The following TTC39B variants were observed in gnomAD, a reference collection of about 807,000 sequenced individuals.
The protein encoded by TTC39B is tetratricopeptide repeat protein 39B.
In TTC39B, 92 loss-of-function variants were observed where a neutral mutation model predicts 96.6. The observed-to-expected ratio is 0.95, with a 90% CI of 0.80 to 1.13. TTC39B has a LOEUF of 1.13. Ranked by LOEUF, TTC39B falls within the 50% of genes most tolerant of loss-of-function variation. TTC39B has a pLI of 0.00. For missense variants in TTC39B, 955 were observed against 809.3 expected (o/e 1.18, Z -2.18); for synonymous variants, 367 against 299.4 (o/e 1.23, Z -2.33).
chr9:15,182,052 G>A (rs1467341079), intron 17 of TTC39B, among the ~76,000 whole-genome samples: 1 of 152,156 alleles, frequency 6.6e-6, no homozygotes, highest in African/African-American at 2.4e-5. Flanking sequence ...TCGTGTAAAG[G>A]GAATCATATA....
At chr9:15,285,615 G>A (rs995208265) in intron 1 of TTC39B, among the ~76,000 whole-genome samples, 3 of 152,166 alleles carry the variant, frequency 2.0e-5, no homozygotes, top group Non-Finnish European at 2.9e-5. Flanking sequence ...TGCACTTCGG[G>A]AGGCCGAGGC....
At chr9:15,254,302 C>G (rs368664170) in intron 2 of TTC39B, among the ~76,000 whole-genome samples, 7 of 151,568 alleles carry the variant, frequency 4.6e-5, no homozygotes, top group African/African-American at 1.7e-4. Context: ...TTAATGTGTT[C>G]TTTTTTTAAA....
At chr9:15,195,083 T>G (rs1475727288) in intron 8 of TTC39B, among the ~76,000 whole-genome samples, 2 of 152,196 alleles carry the variant, frequency 1.3e-5, no homozygotes, top group Non-Finnish European at 2.9e-5. Context: ...GCCAAACAGT[T>G]AGTCAACTTG....
chr9:15,167,997 G>T (rs1313930710), exon 20 of TTC39B: 1 of 152,096 alleles, frequency 6.6e-6, no homozygotes, highest in Non-Finnish European at 1.5e-5. Context: ...AAGTTTAAGG[G>T]CACTTTAAAT....
At chr9:15,258,694 C>T (rs1425045462) in intron 2 of TTC39B, among the ~76,000 whole-genome samples, 1 of 152,122 alleles carries the variant, frequency 6.6e-6, no homozygotes, top group Non-Finnish European at 1.5e-5. Flanking sequence ...AGAAAGGCAA[C>T]CACAGTCACA....
chr9:15,298,273 G>T (rs1824453078), intron 1 of TTC39B, among the ~76,000 whole-genome samples: 1 of 152,094 alleles, frequency 6.6e-6, no homozygotes, highest in Admixed American at 6.6e-5. Flanking sequence ...TCTGTGCTTG[G>T]ACTGAGCCAC....
In TTC39B at chr9:15,224,425, G is replaced by C. The variant is rs545393847; in HGVS notation, c.371+1492C>G. ...CATCTATGTAGCTCTTGTTTGAACG[G>C]TCACTGTCTCAGCCATGCTTCAATG... On this transcript the variant is annotated intron_variant, in intron 3 of 19. Transcript: ENST00000512701. 3.3e-5 allele frequency: 5 copies of C among 152,396 alleles called. No individual in the cohort carries two copies. The South Asian group carries it at 1.0e-3, about 32-fold the overall frequency. 9.4% of individuals were successfully genotyped at this position (152,396 alleles called of 1,614,324 possible).
At chr9:15,246,561 T>C (rs1025768299) in intron 2 of TTC39B, among the ~76,000 whole-genome samples, 1 of 152,210 alleles carries the variant, frequency 6.6e-6, no homozygotes, top group African/African-American at 2.4e-5. Context: ...GTGGTCTCTG[T>C]GACTACTTGA....
chr9:15,291,387 A>T lies in TTC39B; in HGVS notation c.240+15697T>A, dbSNP rs112636327. Among the ~76,000 whole-genome samples the T allele has an allele frequency of 1.8e-3, 278 of 152,316 alleles. 2 individuals are homozygous for T. The highest frequency in any genetic ancestry group is 6.1e-3 in the African/African-American group (255 of 41,578). Reference sequence around the variant, plus strand: ...ACAAGCTCTCTCTTTGCCTGCTGCCATGCACGTGAGACGTGACTTGCTCCT... The same window carrying T: ...ACAAGCTCTCTCTTTGCCTGCTGCCTTGCACGTGAGACGTGACTTGCTCCT... On this transcript the variant is annotated intron_variant, in intron 1 of 19. Coordinates refer to ENST00000512701, the Ensembl canonical transcript of TTC39B.
At chr9:15,300,048 G>T (rs1283134660) in intron 1 of TTC39B, among the ~76,000 whole-genome samples, 1 of 152,136 alleles carries the variant, frequency 6.6e-6, no homozygotes, top group Admixed American at 6.5e-5. Context: ...CTGGAGTTGG[G>T]ACTGACGGTA....
At chr9:15,187,864 T>C (rs1818621271) in intron 14 of TTC39B, 107 bp downstream of exon 14, 1 of 1,198,954 alleles carries the variant, frequency 8.3e-7, no homozygotes, top group African/African-American at 1.6e-5. Context: ...ATCTCTAAGT[T>C]GAGAAAACAC....
At chr9:15,295,278 T>C (rs62570841) in intron 1 of TTC39B, among the ~76,000 whole-genome samples, 22,871 of 152,138 alleles carry the variant, frequency 0.15, 3,042 homozygotes, top group African/African-American at 0.36. Flanking sequence ...AAAGTAGCCA[T>C]AGGCAACACC....
At chr9:15,189,820 T>G (rs975831502) in intron 11 of TTC39B, 28 bp from the exon 12 acceptor site, 1 of 1,500,028 alleles carries the variant, frequency 6.7e-7, no homozygotes, top group Non-Finnish European at 9.2e-7. Flanking sequence ...AAAGACTCAG[T>G]CTTCATAAGA....
chr9:15,230,456 C>T (rs920804366), intron 2 of TTC39B, among the ~76,000 whole-genome samples: 2 of 152,190 alleles, frequency 1.3e-5, no homozygotes, highest in African/African-American at 4.8e-5. Context: ...CTATTCTGGA[C>T]ATTTCATATC....
At chr9:15,182,239 G>T in intron 17 of TTC39B, 68 bp downstream of exon 17, 1 of 996,456 alleles carries the variant, frequency 1.0e-6, no homozygotes. Flanking sequence ...GATGTGCACA[G>T]GGAAAAGACA....
At chr9:15,217,510 C>T (rs907890842) in intron 3 of TTC39B, among the ~76,000 whole-genome samples, 3 of 152,176 alleles carry the variant, frequency 2.0e-5, no homozygotes, top group African/African-American at 7.2e-5. Context: ...ACACCCCTCT[C>T]CAGCACACTA....
At chr9:15,190,527 A>T in intron 11 of TTC39B, 27 bp downstream of exon 11, 1 of 1,592,174 alleles carries the variant, frequency 6.3e-7, no homozygotes, top group Non-Finnish European at 8.6e-7. Context: ...ATCAATGTTC[A>T]ATGAAACAAT....
At chr9:15,211,123 C>G in intron 5 of TTC39B, 143 bp downstream of exon 5, 1 of 922,548 alleles carries the variant, frequency 1.1e-6, no homozygotes, top group Non-Finnish European at 1.5e-6. Flanking sequence ...AATGGGAATC[C>G]TTCAGCTTCG....
chr9:15,207,716 T>C (rs1819945916), intron 6 of TTC39B, among the ~76,000 whole-genome samples: 1 of 152,024 alleles, frequency 6.6e-6, no homozygotes, highest in African/African-American at 2.4e-5. Flanking sequence ...CTGGGCACGG[T>C]GGCTCACACC....
Sources: allele counts gnomAD v4.1 joint callset (sites outside exome capture counted in the v4.1 genomes callset), GRCh38; gene constraint gnomAD v4.1.1; transcripts MANE v1.5; gene names NCBI Gene and HGNC (gene_info 2026-07-23, HGNC 2026-07-21).